Variants in CSMD3 observed in about 807,000 individuals in gnomAD.
CSMD3 encodes CUB and Sushi multiple domains 3.
CSMD3 carries 177 observed loss-of-function variants against 435.2 expected under a neutral mutation model. The ratio of observed to expected loss-of-function variants is 0.41; its 90% CI spans 0.36 to 0.46. The LOEUF (loss-of-function observed/expected upper bound fraction) is 0.46, where lower values mean the gene tolerates loss of function less well. CSMD3 is among the 20% of genes least tolerant of loss of function. The pLI is 0.34. For missense variants in CSMD3, 4,265 were observed against 4,504.6 expected, an observed-to-expected ratio of 0.95 and a Z score of 1.52; for synonymous variants, 1,656 against 1,520.5, an observed-to-expected ratio of 1.09 and a Z score of -2.07.
At chr8:112,833,824 T>C (rs2079947273) in intron 11 of CSMD3, among the ~76,000 whole-genome samples, 1 of 152,014 alleles carries the variant, frequency 6.6e-6, no homozygotes, top group Admixed American at 6.6e-5. Context: ...AGAGTAACTC[T>C]CAAAGTACCT....
chr8:112,346,185 G>A lies in CSMD3; in HGVS notation c.6354C>T (p.Phe2118=), dbSNP rs2131023945. 1 of 1,612,924 alleles carries A rather than the reference G, an allele frequency of 6.2e-7. No individual in the cohort carries two copies. The highest frequency in any genetic ancestry group is 1.1e-5 in the South Asian group (1 of 91,062). ...LAQCGGAMSD[F]SGVILSPGFP... ...ACCCAGGACTGAGGATCACACCACT[G>A]AAGTCTGACATAGCACCACCACACT... The change falls in exon 41 of 71, where the codon TTC becomes TTT. Residue 2118 remains phenylalanine, a synonymous_variant. Coordinates refer to ENST00000297405, the MANE Select transcript of CSMD3 (RefSeq NM_198123.2).
At chr8:112,233,043 T>C (rs1347384972) in intron 68 of CSMD3, among the ~76,000 whole-genome samples, 1 of 152,250 alleles carries the variant, frequency 6.6e-6, no homozygotes, top group Non-Finnish European at 1.5e-5. Context: ...TGCTAAATAC[T>C]ACATGCACCT....
chr8:112,285,278 C>T (rs915817624), intron 58 of CSMD3, among the ~76,000 whole-genome samples: 4 of 151,842 alleles, frequency 2.6e-5, no homozygotes, highest in East Asian at 1.9e-4. Flanking sequence ...TAATGATGCC[C>T]ACAGCATCAT....
chr8:113,029,896 G>A (rs1000881124), intron 5 of CSMD3, among the ~76,000 whole-genome samples: 1 of 151,346 alleles, frequency 6.6e-6, no homozygotes, highest in Non-Finnish European at 1.5e-5. Context: ...CCTCCAGAAA[G>A]CTCCTAGAAC....
chr8:112,312,800 A>G (rs1822110480), intron 49 of CSMD3, among the ~76,000 whole-genome samples: 1 of 152,202 alleles, frequency 6.6e-6, no homozygotes, highest in Non-Finnish European at 1.5e-5. Context: ...GTAAATTTGT[A>G]TAAATGAGTA....
At chr8:112,967,812 CAGT>C (rs1431000284) in intron 7 of CSMD3, among the ~76,000 whole-genome samples, 1 of 148,492 alleles carries the variant, frequency 6.7e-6, no homozygotes, top group Non-Finnish European at 1.5e-5. Context: ...GCTTGGCACT[CAGT>C]GGATATTTGT....
At chr8:113,123,307 A>G (rs145987186) in intron 4 of CSMD3, among the ~76,000 whole-genome samples, 7 of 152,188 alleles carry the variant, frequency 4.6e-5, no homozygotes, top group Admixed American at 3.9e-4. Flanking sequence ...TTCATTTTAT[A>G]TTGGCATGAT....
chr8:112,258,052 C>T (rs1449163302), intron 61 of CSMD3, among the ~76,000 whole-genome samples: 3 of 152,078 alleles, frequency 2.0e-5, no homozygotes, highest in Non-Finnish European at 2.9e-5. Flanking sequence ...ATTTAATAAA[C>T]GGTGTTGGGA....
chr8:112,844,810 C>A (rs565840582), intron 11 of CSMD3, among the ~76,000 whole-genome samples: 1 of 151,958 alleles, frequency 6.6e-6, no homozygotes, highest in East Asian at 1.9e-4. Flanking sequence ...TAATTAAGAC[C>A]TTCTTTGCCC....
intron 9 of CSMD3, among the ~76,000 whole-genome samples, chr8:112,947,109 T>C (rs1483714067): frequency 6.6e-6 from 1 of 151,724 alleles, no homozygotes; most frequent in African/African-American, 2.4e-5. Flanking sequence ...GTGAGATTAT[T>C]ATCTAATATT....
intron 3 of CSMD3, among the ~76,000 whole-genome samples, chr8:113,223,928 TAAGA>T (rs1423325885): frequency 6.6e-6 from 1 of 151,034 alleles, no homozygotes; most frequent in Non-Finnish European, 1.5e-5. Flanking sequence ...AAAAGAAACT[TAAGA>T]AAGAATTAAA....
rs776816508 is a variant in CSMD3, at chr8:112,296,043, G to A, written c.8441-37C>T. 16 of 1,514,590 alleles carry A rather than the reference G, an allele frequency of 1.1e-5. No individual in the cohort carries two copies. In the South Asian group the frequency reaches 1.8e-4, roughly 17 times the overall value. The allele number at this position is 1,514,590 out of a possible 1,614,324, so 93.8% of individuals were successfully genotyped here. Reference sequence around the variant, plus strand: ...TATAAAGTAATATTTTTAATACTGTGATTTGTTTTATTTGTATATTTATAT... The same window carrying A: ...TATAAAGTAATATTTTTAATACTGTAATTTGTTTTATTTGTATATTTATAT... On this transcript the variant is annotated intron_variant, in intron 53 of 70. Coordinates refer to ENST00000297405, the MANE Select transcript of CSMD3 (RefSeq NM_198123.2).
At chr8:112,680,908 A>T (rs938252706) in intron 16 of CSMD3, among the ~76,000 whole-genome samples, 5 of 152,274 alleles carry the variant, frequency 3.3e-5, no homozygotes, top group African/African-American at 9.6e-5. Context: ...AAGAGGAAAA[A>T]CTTGGAAAAT....
chr8:113,178,097 C>A (rs963699272), intron 3 of CSMD3, among the ~76,000 whole-genome samples: 2 of 151,928 alleles, frequency 1.3e-5, no homozygotes, highest in Non-Finnish European at 2.9e-5. Context: ...GTTAATACTA[C>A]AGCATGTCCC....
At chr8:113,194,227 C>A (rs2092624479) in intron 3 of CSMD3, among the ~76,000 whole-genome samples, 1 of 151,084 alleles carries the variant, frequency 6.6e-6, no homozygotes, top group Non-Finnish European at 1.5e-5. Context: ...TAATTATAGA[C>A]AAAACTACAT....
At chr8:112,551,096 T>C (rs1487616425) in intron 26 of CSMD3, among the ~76,000 whole-genome samples, 1 of 152,086 alleles carries the variant, frequency 6.6e-6, no homozygotes, top group Non-Finnish European at 1.5e-5. Context: ...CTTTGCAAAT[T>C]GTAGAAACTT....
Position 112,666,406 on chromosome 8 carries a change from C to A in CSMD3, c.2687G>T (p.Gly896Val), listed in dbSNP as rs200753116. 2 of 1,612,140 alleles carry A rather than the reference C, an allele frequency of 1.2e-6. No homozygotes were observed. The highest frequency in any genetic ancestry group is 8.5e-7 in the Non-Finnish European group (1 of 1,178,984). ...GLIPKCGAPC[G>V]GHFSAPSGVI... ...TCCACTGGGAGCTGAAAAATGGCCA[C>A]CACATGGGGCTGAAAAATTAAATCA... is the stretch of plus-strand genomic sequence containing the variant. Residue 896 changes from glycine to valine, a missense_variant, in exon 17 of 71, where the codon GGT (glycine) becomes GTT (valine). By Grantham distance (109) the Gly-to-Val change is moderately radical (BLOSUM62 -3). Around this residue, in one of 3 missense-constraint regions of CSMD3, gnomAD observed 279 missense variants for 369.0 expected, o/e 0.76. Transcript: ENST00000297405.
At chr8:113,375,162 C>A (rs1588624040) in intron 1 of CSMD3, among the ~76,000 whole-genome samples, 1 of 152,162 alleles carries the variant, frequency 6.6e-6, no homozygotes, top group East Asian at 1.9e-4. Context: ...AAGAATGGAG[C>A]ATCACTGAAT....
chr8:112,694,189 G>T (rs1334576465), intron 13 of CSMD3, among the ~76,000 whole-genome samples: 2 of 151,860 alleles, frequency 1.3e-5, no homozygotes, highest in African/African-American at 4.8e-5. Context: ...TATTTAGAGA[G>T]TAGCAGAGTG....
Sources: gnomAD v4.1 joint callset for allele counts (sites outside exome capture counted in the v4.1 genomes callset) on GRCh38, gnomAD v4.1.1 for gene constraint, gnomAD v4.1.1 regional missense constraint, MANE v1.5 for transcripts, NCBI Gene and HGNC (gene_info 2026-07-23, HGNC 2026-07-21) for gene names.